MEIS1: variants seen among roughly 807,000 people sequenced by gnomAD.
MEIS1 encodes the protein Meis homeobox 1, also known as homeobox protein Meis1.
In MEIS1, 5 loss-of-function variants were observed where a neutral mutation model predicts 50.8. The ratio of observed to expected loss-of-function variants is 0.10; its 90% CI spans 0.05 to 0.21. The LOEUF (loss-of-function observed/expected upper bound fraction) is 0.21. Among genes scored for constraint, MEIS1 ranks in the 10% least tolerant of loss-of-function variants. MEIS1 has a pLI of 1.00. For missense variants in MEIS1, 318 were observed against 517.3 expected (o/e 0.61, Z 3.74); for synonymous variants, 176 against 179.3 (o/e 0.98, Z 0.15).
intron 8 of MEIS1, among the ~76,000 whole-genome samples, chr2:66,521,572 T>A (rs1200021394): frequency 6.6e-6 from 1 of 152,180 alleles, no homozygotes; most frequent in African/African-American, 2.4e-5. Context: ...TTAAAGCTAG[T>A]AATAACCAGA....
intron 7 of MEIS1, among the ~76,000 whole-genome samples, chr2:66,479,792 T>C (rs1441185352): frequency 6.6e-6 from 1 of 152,138 alleles, no homozygotes; most frequent in East Asian, 1.9e-4. Flanking sequence ...GCTCCAGATT[T>C]GAATCAAGAA....
In MEIS1 at chr2:66,571,246, G is replaced by A. The variant is rs765685772; in HGVS notation, c.*38G>A. The A allele has an allele frequency of 1.3e-6, 2 of 1,578,286 alleles. No individual in the cohort carries two copies. The highest frequency in any genetic ancestry group is 2.3e-5 in the South Asian group (2 of 86,620). On this transcript the variant is annotated splice_region_variant and 3_prime_UTR_variant, in exon 13 of 13. Transcript: ENST00000272369. ...TTTCTTTCTTTTGAATTTCTTACAG[G>A]GCTGCAAAGTATGCCAGGGGAGTAT...
At chr2:66,482,051 G>A (rs867577553) in intron 7 of MEIS1, among the ~76,000 whole-genome samples, 5 of 151,644 alleles carry the variant, frequency 3.3e-5, no homozygotes, top group African/African-American at 9.7e-5. Context: ...TAGTAGAGAC[G>A]GGGTTTCACC....
At chr2:66,480,095 G>A (rs1214424989) in intron 7 of MEIS1, among the ~76,000 whole-genome samples, 2 of 152,162 alleles carry the variant, frequency 1.3e-5, no homozygotes, top group African/African-American at 4.8e-5. Flanking sequence ...GATTAGATAT[G>A]CATGCAGGGA....
At chr2:66,441,378 A>G (rs1309527592) in intron 4 of MEIS1, 36 bp from the exon 5 acceptor site, 1 of 1,528,972 alleles carries the variant, frequency 6.5e-7, no homozygotes, top group Non-Finnish European at 8.8e-7. Flanking sequence ...TCTGCAAGCC[A>G]GGAATGGGGT....
At chr2:66,543,238 T>C (rs2103920414) in intron 8 of MEIS1, among the ~76,000 whole-genome samples, 1 of 152,290 alleles carries the variant, frequency 6.6e-6, no homozygotes. Flanking sequence ...TTATACAGGA[T>C]CCTACCCTAA....
chr2:66,477,335 G>T (rs1309582462), intron 7 of MEIS1, among the ~76,000 whole-genome samples: 1 of 152,200 alleles, frequency 6.6e-6, no homozygotes, highest in African/African-American at 2.4e-5. Context: ...GCTCTGGGAT[G>T]ATGCCAAGGT....
At position 66,547,981 on chromosome 2, in the gene MEIS1, A is replaced by G. The variant is rs1674830995; in HGVS notation, c.927A>G (p.Ala309=). ...CTGAAGAACAGAAAAAGCAGTTGGC[A>G]CAAGACACGGGACTCACCATCCTTC... ...YPSEEQKKQL[A]QDTGLTILQV... is the part of the protein sequence containing the mutation. The change falls in exon 9 of 13, where the codon GCA becomes GCG. Residue 309 remains alanine, a synonymous_variant. Coordinates refer to ENST00000272369, the MANE Select transcript of MEIS1 (RefSeq NM_002398.3). The G allele has an allele frequency of 6.2e-7, 1 of 1,613,106 alleles. No individual in the cohort carries two copies. Among genetic ancestry groups the G allele is most frequent in the African/African-American group, 1.3e-5 (1 of 74,900 alleles).
intron 8 of MEIS1, among the ~76,000 whole-genome samples, chr2:66,547,444 G>A (rs1444230938): frequency 2.6e-5 from 4 of 152,110 alleles, no homozygotes; most frequent in Non-Finnish European, 5.9e-5. Flanking sequence ...GTGTGTGTGT[G>A]TGTTTAATAG....
intron 9 of MEIS1, among the ~76,000 whole-genome samples, chr2:66,555,594 G>A (rs555993347): frequency 6.6e-6 from 1 of 152,162 alleles, no homozygotes; most frequent in Non-Finnish European, 1.5e-5. Context: ...TATGTCTTAA[G>A]TGTGTTTACA....
intron 6 of MEIS1, among the ~76,000 whole-genome samples, chr2:66,460,990 G>A (rs1192657541): frequency 6.6e-6 from 1 of 152,096 alleles, no homozygotes. Context: ...TTGTCTTACT[G>A]GATTTCCAAT....
At chr2:66,533,668 C>A (rs966628809) in intron 8 of MEIS1, among the ~76,000 whole-genome samples, 4 of 152,032 alleles carry the variant, frequency 2.6e-5, no homozygotes, top group African/African-American at 9.7e-5. Context: ...GGACCCATTG[C>A]GTAATTTGTG....
At chr2:66,552,314 C>T (rs894084518) in intron 9 of MEIS1, among the ~76,000 whole-genome samples, 2 of 152,140 alleles carry the variant, frequency 1.3e-5, no homozygotes, top group African/African-American at 4.8e-5. Flanking sequence ...GTTTACTACT[C>T]CTCATCCAAA....
At chr2:66,540,506 C>T (rs1674625736) in intron 8 of MEIS1, among the ~76,000 whole-genome samples, 1 of 152,088 alleles carries the variant, frequency 6.6e-6, no homozygotes, top group African/African-American at 2.4e-5. Flanking sequence ...GATGGGATTT[C>T]CTCATGTCGG....
chr2:66,551,677 C>A (rs1674925335), intron 9 of MEIS1, among the ~76,000 whole-genome samples: 1 of 150,968 alleles, frequency 6.6e-6, no homozygotes, highest in African/African-American at 2.4e-5. Context: ...AAAAAATCAA[C>A]CTCCATAACT....
chr2:66,504,057 T>C (rs1673628603), intron 7 of MEIS1, among the ~76,000 whole-genome samples: 2 of 151,900 alleles, frequency 1.3e-5, no homozygotes, highest in African/African-American at 4.8e-5. Flanking sequence ...ATGAGGCATA[T>C]TTTTAAATGC....
At chr2:66,564,946 T>A (rs907410812) in intron 9 of MEIS1, among the ~76,000 whole-genome samples, 4 of 151,922 alleles carry the variant, frequency 2.6e-5, no homozygotes, top group African/African-American at 9.7e-5. Context: ...AACATAAATA[T>A]TTTTGATCTA....
chr2:66,503,060 C>A (rs932640822), intron 7 of MEIS1, among the ~76,000 whole-genome samples: 1 of 152,178 alleles, frequency 6.6e-6, no homozygotes. Flanking sequence ...TGAATGGACT[C>A]ATTGCTTTTC....
intron 6 of MEIS1, among the ~76,000 whole-genome samples, chr2:66,443,956 T>TTC (rs748071541): frequency 6.6e-6 from 1 of 152,100 alleles, no homozygotes. Flanking sequence ...CTGTGGGGAT[T>TTC]TCTCTCTCTC....
Sources: allele counts gnomAD v4.1 joint callset (sites outside exome capture counted in the v4.1 genomes callset), GRCh38; gene constraint gnomAD v4.1.1; transcripts MANE v1.5; gene names NCBI Gene and HGNC (gene_info 2026-07-23, HGNC 2026-07-21).